Variants in LNX1 observed in about 807,000 individuals in gnomAD.
The protein encoded by LNX1 is E3 ubiquitin-protein ligase LNX.
A neutral mutation model predicts 68.4 loss-of-function variants in LNX1; 54 were observed. The observed-to-expected ratio is 0.79, with a 90% confidence interval of 0.63 to 0.99. The LOEUF is 0.99. Ranked by LOEUF, LNX1 falls within the 50% of genes least tolerant of loss-of-function variation. The pLI is 0.00. For synonymous variants in LNX1, 336 were observed against 350.0 expected, an observed-to-expected ratio of 0.96 and a Z score of 0.45; for missense variants, 906 against 926.4, an observed-to-expected ratio of 0.98 and a Z score of 0.29.
At chr4:53,616,499 C>T (rs780798268) in intron 2 of LNX1, 24 of 152,168 alleles carry the variant, frequency 1.6e-4, no homozygotes, top group Admixed American at 1.4e-3. Context: ...AATGAATGGT[C>T]TGATTCATTT....
chr4:53,489,989 C>G (rs77429364), intron 6 of LNX1, among the ~76,000 whole-genome samples: 2,737 of 151,932 alleles, frequency 0.018, 90 homozygotes, highest in African/African-American at 0.063. Context: ...AAGTTCTACC[C>G]TTTTTTGCAG....
At position 53,476,861 on chromosome 4, in the gene LNX1, T is replaced by C. The variant is rs148788221; in HGVS notation, c.1784A>G (p.Tyr595Cys). 1.9e-6 allele frequency: 3 copies of C among 1,614,084 alleles called. No homozygotes were observed. Among genetic ancestry groups the C allele is most frequent in the African/African-American group, 2.7e-5 (2 of 74,940 alleles). The part of the protein sequence containing the change: ...IVLKALEVKE[Y>C]EPQEDCSSPA... The stretch of plus-strand genomic sequence containing the variant: ...GCTGCTGCAGTCTTCCTGGGGCTCA[T>C]ACTCTTTGACTTCCAAAGCTTTGAG... The change falls in exon 9 of 11, where the codon TAT (tyrosine) becomes TGT (cysteine). Residue 595 changes from tyrosine to cysteine, a missense_variant. Transcript: ENST00000263925.
chr4:53,472,547 G>T (rs1044955512), intron 9 of LNX1, among the ~76,000 whole-genome samples: 1 of 151,712 alleles, frequency 6.6e-6, no homozygotes, highest in Non-Finnish European at 1.5e-5. Flanking sequence ...AAAAAAGTGG[G>T]AAGTGAAATC....
intron 2 of LNX1, among the ~76,000 whole-genome samples, chr4:53,559,009 C>G (rs1193658614): frequency 6.6e-6 from 1 of 152,162 alleles, no homozygotes; most frequent in Non-Finnish European, 1.5e-5. Context: ...ACCCCATATT[C>G]AAGAAGATTA....
intron 2 of LNX1, among the ~76,000 whole-genome samples, chr4:53,542,073 G>C (rs374056118): frequency 1.3e-5 from 2 of 152,158 alleles, no homozygotes; most frequent in African/African-American, 4.8e-5. Context: ...TGCACTCAGG[G>C]GGATGTCAGA....
At position 53,567,705 on chromosome 4, in the gene LNX1, G is replaced by A. The variant is rs1345564014; in HGVS notation, c.380+5918C>T. On this transcript the variant is annotated intron_variant, in intron 2 of 10. Transcript: ENST00000263925. ...CCCTTCAAAAAATTGATGAATCCAG[G>A]AGCTGGTTTATTGAAAGGATCAACA... Among the ~76,000 whole-genome samples the A allele has an allele frequency of 2.6e-5, 4 of 152,104 alleles. No individual in the cohort carries two copies. In the East Asian group the frequency reaches 7.7e-4, roughly 29 times the overall value.
At chr4:53,568,566 A>G (rs972236163) in intron 2 of LNX1, among the ~76,000 whole-genome samples, 3 of 90,570 alleles carry the variant, frequency 3.3e-5, no homozygotes, top group Non-Finnish European at 7.1e-5. Flanking sequence ...AACTGGAAGC[A>G]TTCCCTTTGA....
rs56165716 is a variant in LNX1, at chr4:53,501,299, T to TTTGGGGGG, written c.776-2457_776-2456insCCCCCCAA. Among the ~76,000 whole-genome samples, 123 of 38,774 alleles carry TTTGGGGGG rather than the reference T, an allele frequency of 3.2e-3. 4 individuals are homozygous for TTTGGGGGG. Among genetic ancestry groups the TTTGGGGGG allele is most frequent in the Non-Finnish European group, 6.4e-3 (92 of 14,358 alleles). 25.4% of individuals were successfully genotyped at this position (38,774 alleles called of 152,430 possible). The stretch of plus-strand genomic sequence containing the variant: ...TAATAATCTTTTTTTTTTTTTTTTT[T>TTTGGGGGG]GGGGGTGGGGGGACAGGATCTCACT... On this transcript the variant is annotated intron_variant, in intron 4 of 10. Transcript: ENST00000263925.
chr4:53,507,753 T>G (rs1009020221), intron 3 of LNX1, among the ~76,000 whole-genome samples: 5 of 152,090 alleles, frequency 3.3e-5, no homozygotes, highest in African/African-American at 1.2e-4. Context: ...GAGTGATGAA[T>G]CATTAGGTCT....
intron 2 of LNX1, among the ~76,000 whole-genome samples, chr4:53,561,628 G>A (rs17083041): frequency 1.6e-3 from 241 of 152,288 alleles, no homozygotes; most frequent in African/African-American, 5.6e-3. Flanking sequence ...GTCAACAGAC[G>A]ATCCAGGTTA....
rs1382748708 is a variant in LNX1, at chr4:53,459,331, A to G, written c.*1576T>C. ...AGTAGACGTCGCCATGAAAGTGAAG[A>G]AGGAGATAGTCACAGGAGACACAAA... On this transcript the variant is annotated 3_prime_UTR_variant, in exon 11 of 11. Coordinates refer to ENST00000263925, the MANE Select transcript of LNX1 (RefSeq NM_001126328.3). 2 of 1,602,546 alleles carry G rather than the reference A, an allele frequency of 1.2e-6. No individual in the cohort carries two copies. Among genetic ancestry groups the G allele is most frequent in the East Asian group, 2.2e-5 (1 of 44,656 alleles).
At chr4:53,561,504 G>T (rs1332455895) in intron 2 of LNX1, among the ~76,000 whole-genome samples, 1 of 152,150 alleles carries the variant, frequency 6.6e-6, no homozygotes, top group African/African-American at 2.4e-5. Flanking sequence ...GGGATTACAA[G>T]CTTGAGCCAC....
chr4:53,468,728 C>A (rs532029471), intron 9 of LNX1, among the ~76,000 whole-genome samples: 1 of 152,200 alleles, frequency 6.6e-6, no homozygotes, highest in African/African-American at 2.4e-5. Context: ...CAACAAAGAT[C>A]AAAAGAGACA....
chr4:53,461,696 G>T, intron 9 of LNX1, 103 bp from the exon 10 acceptor site: 1 of 858,148 alleles, frequency 1.2e-6, no homozygotes, highest in Non-Finnish European at 1.8e-6. Context: ...ATTTTTAATG[G>T]CTAAGTACCA....
At chr4:53,501,033 G>C (rs1394734131) in intron 4 of LNX1, among the ~76,000 whole-genome samples, 1 of 152,066 alleles carries the variant, frequency 6.6e-6, no homozygotes, top group Non-Finnish European at 1.5e-5. Context: ...ATTCACACTT[G>C]TAAATGATGT....
intron 1 of LNX1, among the ~76,000 whole-genome samples, chr4:53,645,421 C>A (rs1417275432): frequency 1.3e-5 from 2 of 152,114 alleles, no homozygotes; most frequent in Non-Finnish European, 2.9e-5. Flanking sequence ...GTGTGCACTA[C>A]CATTGGGGTT....
At chr4:53,639,853 G>A (rs1294863520) in intron 1 of LNX1, among the ~76,000 whole-genome samples, 1 of 152,120 alleles carries the variant, frequency 6.6e-6, no homozygotes, top group Non-Finnish European at 1.5e-5. Flanking sequence ...GCAACATGGT[G>A]AAACCCTGTC....
At chr4:53,599,589 T>G (rs1484916463) in intron 2 of LNX1, among the ~76,000 whole-genome samples, 8 of 152,170 alleles carry the variant, frequency 5.3e-5, no homozygotes, top group Admixed American at 2.6e-4. Flanking sequence ...CCTGAATTCT[T>G]TCTTGCACAA....
Position 53,574,032 on chromosome 4 carries a change from CTCAG to C in LNX1, c.-34_-31del, listed in dbSNP as rs1325851244. On this transcript the variant is annotated 5_prime_UTR_variant, in exon 2 of 11. Coordinates refer to ENST00000263925, the MANE Select transcript of LNX1 (RefSeq NM_001126328.3). ...GATTGGAGAGCAGTATAACAGGAAA[CTCAG>C]TCACACAATATTTCCTCAGGAGCAA... is the stretch of plus-strand genomic sequence containing the variant. 9 of 1,575,700 alleles carry C rather than the reference CTCAG, an allele frequency of 5.7e-6. No homozygotes were observed. Among genetic ancestry groups the C allele is most frequent in the African/African-American group, 2.7e-5 (2 of 74,014 alleles).
Sources: allele counts gnomAD v4.1 joint callset (sites outside exome capture counted in the v4.1 genomes callset), GRCh38; gene constraint gnomAD v4.1.1; transcripts MANE v1.5; gene names NCBI Gene and HGNC (gene_info 2026-07-23, HGNC 2026-07-21).